Variants in SLC25A21 observed in about 807,000 individuals in gnomAD.
SLC25A21 encodes solute carrier family 25 member 21, also known as mitochondrial 2-oxodicarboxylate carrier.
A neutral mutation model predicts 43.8 loss-of-function variants in SLC25A21; 47 were observed. The observed-to-expected ratio is 1.07, with a 90% confidence interval of 0.85 to 1.37. SLC25A21 has a LOEUF of 1.37. Among genes scored for constraint, SLC25A21 ranks in the 40% most tolerant of loss-of-function variants. The probability of loss-of-function intolerance (pLI) is 0.00; values close to 1 mark genes in which losing one functional copy is unlikely to be tolerated. For synonymous variants in SLC25A21, 131 were observed against 121.3 expected (o/e 1.08, Z -0.52); for missense variants, 352 against 350.2 (o/e 1.00, Z -0.04).
At chr14:36,927,981 A>G (rs1892178503) in intron 1 of SLC25A21, among the ~76,000 whole-genome samples, 1 of 152,144 alleles carries the variant, frequency 6.6e-6, no homozygotes, top group Non-Finnish European at 1.5e-5. Context: ...CTAGCATACA[A>G]CCGAGGCAGT....
At chr14:37,097,458 C>A (rs1962721436) in intron 1 of SLC25A21, among the ~76,000 whole-genome samples, 1 of 152,036 alleles carries the variant, frequency 6.6e-6, no homozygotes, top group Admixed American at 6.6e-5. Context: ...GGGAGGTAGG[C>A]AATTGTTGAA....
chr14:36,691,409 ATTATG>A (rs1328684694), intron 7 of SLC25A21, among the ~76,000 whole-genome samples: 1 of 152,224 alleles, frequency 6.6e-6, no homozygotes, highest in Non-Finnish European at 1.5e-5. Context: ...TGAAAAATCT[ATTATG>A]TTATTAAAAA....
Position 36,680,307 on chromosome 14 carries a change from T to C in SLC25A21, c.*351A>G, listed in dbSNP as rs1882168401. ...GCATTTCTAGACCTCTTAGGAAAAA[T>C]GCTGATCAATACAATGAATTTTCAT... On this transcript the variant is annotated 3_prime_UTR_variant, in exon 10 of 10. Coordinates refer to ENST00000331299, the MANE Select transcript of SLC25A21 (RefSeq NM_030631.4). 1.0e-6 allele frequency: 1 copy of C among 995,048 alleles called. No individual in the cohort carries two copies. Among genetic ancestry groups the C allele is most frequent in the Non-Finnish European group, 1.2e-6 (1 of 836,086 alleles). 61.6% of individuals were successfully genotyped at this position (995,048 alleles called of 1,614,324 possible).
At chr14:37,070,494 A>G (rs902625241) in intron 1 of SLC25A21, among the ~76,000 whole-genome samples, 3 of 152,200 alleles carry the variant, frequency 2.0e-5, no homozygotes, top group African/African-American at 7.2e-5. Context: ...AATTTTATTC[A>G]CATCCCCTTT....
intron 1 of SLC25A21, among the ~76,000 whole-genome samples, chr14:37,071,630 T>C (rs947749048): frequency 6.6e-6 from 1 of 152,252 alleles, no homozygotes; most frequent in African/African-American, 2.4e-5. Flanking sequence ...AGCAATTAAC[T>C]AGACTTCAAC....
At chr14:37,040,424 AAAGAAAGAAAG>A (rs1961443855) in intron 1 of SLC25A21, among the ~76,000 whole-genome samples, 1 of 101,662 alleles carries the variant, frequency 9.8e-6, no homozygotes, top group Non-Finnish European at 1.8e-5. Context: ...AGAAAGAAAG[AAAGAAAGAAAG>A]AAAGAAAAGA....
chr14:36,881,053 T>C (rs1308975906), intron 1 of SLC25A21, among the ~76,000 whole-genome samples: 1 of 152,142 alleles, frequency 6.6e-6, no homozygotes, highest in Non-Finnish European at 1.5e-5. Context: ...CGCATAAAAA[T>C]ATGGTTCAGG....
chr14:37,055,000 C>A (rs1386650738), intron 1 of SLC25A21, among the ~76,000 whole-genome samples: 1 of 152,194 alleles, frequency 6.6e-6, no homozygotes, highest in Non-Finnish European at 1.5e-5. Flanking sequence ...GACTTCTGCC[C>A]AGCTGGAATT....
At chr14:37,057,608 T>C (rs2138807358) in intron 1 of SLC25A21, among the ~76,000 whole-genome samples, 1 of 152,306 alleles carries the variant, frequency 6.6e-6, no homozygotes, top group South Asian at 2.1e-4. Flanking sequence ...CATTGACTGA[T>C]TCTACTGAAT....
intron 7 of SLC25A21, among the ~76,000 whole-genome samples, chr14:36,686,815 C>T (rs908524292): frequency 6.6e-6 from 1 of 152,086 alleles, no homozygotes; most frequent in African/African-American, 2.4e-5. Context: ...TGCTGAGGAC[C>T]AGAGTTGGGG....
At chr14:36,886,088 C>G (rs976898268) in intron 1 of SLC25A21, among the ~76,000 whole-genome samples, 2 of 152,116 alleles carry the variant, frequency 1.3e-5, no homozygotes, top group African/African-American at 4.8e-5. Flanking sequence ...AAAAACAGAA[C>G]AACTACAGAC....
At chr14:37,124,201 A>T (rs1963258077) in intron 1 of SLC25A21, among the ~76,000 whole-genome samples, 1 of 151,812 alleles carries the variant, frequency 6.6e-6, no homozygotes, top group South Asian at 2.1e-4. Context: ...AAGTGCTGGG[A>T]TTACAGCACT....
At chr14:36,754,484 T>C (rs973870762) in intron 3 of SLC25A21, among the ~76,000 whole-genome samples, 3 of 152,086 alleles carry the variant, frequency 2.0e-5, no homozygotes, top group South Asian at 4.1e-4. Flanking sequence ...TCGATGAGAG[T>C]TGCTTAACAC....
intron 1 of SLC25A21, among the ~76,000 whole-genome samples, chr14:37,071,264 GAATAT>G (rs1460635894): frequency 1.3e-5 from 2 of 152,180 alleles, no homozygotes; most frequent in Non-Finnish European, 2.9e-5. Flanking sequence ...TCCCACTGCA[GAATAT>G]AATACATCAG....
At chr14:36,778,582 G>A (rs1387846429) in intron 3 of SLC25A21, among the ~76,000 whole-genome samples, 1 of 152,188 alleles carries the variant, frequency 6.6e-6, no homozygotes, top group African/African-American at 2.4e-5. Context: ...TGAGGAGATG[G>A]CCTTGTCATT....
At chr14:37,163,101 T>G (rs1301869529) in intron 1 of SLC25A21, among the ~76,000 whole-genome samples, 6 of 123,770 alleles carry the variant, frequency 4.8e-5, no homozygotes, top group East Asian at 4.6e-4. Context: ...TGAGAACACA[T>G]GGACACAGGA....
rs150247649 is a variant in SLC25A21 at position 36,740,534 on chromosome 14, C to T, written c.204-5961G>A. ...AAAATGAAGATCAAAAACTACATCA[C>T]GTGTTCTTCTCAAAGACAGCTCACA... On this transcript the variant is annotated intron_variant, in intron 3 of 9. Transcript: ENST00000331299. 4.4e-3 allele frequency among the ~76,000 whole-genome samples: 666 copies of T among 152,270 alleles called. 6 individuals carry two copies. Among genetic ancestry groups the T allele is most frequent in the African/African-American group, 0.015 (630 of 41,566 alleles).
chr14:36,989,503 A>ATT (rs569204172), intron 1 of SLC25A21, among the ~76,000 whole-genome samples: 12,397 of 144,728 alleles, frequency 0.086, 1,716 homozygotes, highest in African/African-American at 0.29. Context: ...TAACTAAATC[A>ATT]TTTTTTTTTT....
intron 6 of SLC25A21, among the ~76,000 whole-genome samples, chr14:36,722,093 G>A (rs1460910161): frequency 2.0e-5 from 3 of 152,110 alleles, no homozygotes; most frequent in Non-Finnish European, 2.9e-5. Flanking sequence ...TACTACCCAC[G>A]TGGCCATTGA....
Sources: gnomAD v4.1 joint callset for allele counts (sites outside exome capture counted in the v4.1 genomes callset) on GRCh38, gnomAD v4.1.1 for gene constraint, MANE v1.5 for transcripts, NCBI Gene and HGNC (gene_info 2026-07-23, HGNC 2026-07-21) for gene names.